The following COL6A3 variants were observed in gnomAD, a reference collection of about 807,000 sequenced individuals.
COL6A3 encodes collagen type VI alpha 3 chain.
A neutral mutation model predicts 274.1 loss-of-function variants in COL6A3; 137 were observed. The observed-to-expected ratio is 0.50, with a 90% CI of 0.44 to 0.58. The LOEUF is 0.58. Ranked by LOEUF, COL6A3 falls within the 20% of genes least tolerant of loss-of-function variation. COL6A3 has a pLI of 0.00. For missense variants in COL6A3, 3,950 were observed against 4,124.9 expected, an observed-to-expected ratio of 0.96 and a Z score of 1.16; for synonymous variants, 1,650 against 1,650.6, an observed-to-expected ratio of 1.00 and a Z score of 0.01.
intron 12 of COL6A3, among the ~76,000 whole-genome samples, chr2:237,365,046 A>G (rs117342180): frequency 6.6e-6 from 1 of 150,540 alleles, no homozygotes; most frequent in Non-Finnish European, 1.5e-5. Context: ...AGGGTCTTTA[A>G]AGAGGTAATT....
At chr2:237,331,999 G>T (rs1464224176) in intron 42 of COL6A3, among the ~76,000 whole-genome samples, 1 of 135,268 alleles carries the variant, frequency 7.4e-6, no homozygotes, top group Non-Finnish European at 1.6e-5. Flanking sequence ...AGTGTTAAAG[G>T]TCTGGATCAA....
At chr2:237,341,543 TAAAAAAA>T (rs71039760) in intron 37 of COL6A3, among the ~76,000 whole-genome samples, 2 of 49,098 alleles carry the variant, frequency 4.1e-5, no homozygotes, top group Non-Finnish European at 7.0e-5. Context: ...AGACTCTGTC[TAAAAAAA>T]AAAAAAAAAA....
chr2:237,326,844 T>C (rs1699971626), intron 42 of COL6A3: 1 of 152,228 alleles, frequency 6.6e-6, no homozygotes, highest in Admixed American at 6.5e-5. Context: ...TGGATAATCA[T>C]AGCTTGGATC....
rs112582777 is a variant in COL6A3, at chr2:237,345,024, T to A, written c.7162+34A>T. The A allele has an allele frequency of 6.9e-5, 112 of 1,614,166 alleles. No individual in the cohort carries two copies. In the Middle Eastern group the frequency reaches 1.5e-3, roughly 21 times the overall value. On this transcript the variant is annotated intron_variant, in intron 34 of 43. Coordinates refer to ENST00000295550, the MANE Select transcript of COL6A3 (RefSeq NM_004369.4). ...TGTGAGAATTTCGAATGTAAAAATA[T>A]GCATTGTGAGACAACAGAAAATCAT...
At chr2:237,351,532 C>T (rs1439660217) in intron 26 of COL6A3, among the ~76,000 whole-genome samples, 1 of 152,202 alleles carries the variant, frequency 6.6e-6, no homozygotes, top group African/African-American at 2.4e-5. Flanking sequence ...CCTCCCTTTT[C>T]ACACCCTCAC....
At position 237,352,516 on chromosome 2, in the gene COL6A3, G is replaced by T. The variant is rs1465692865; in HGVS notation, c.6753+6C>A. The stretch of plus-strand genomic sequence containing the variant: ...AGAGAGGGGGCTGGTATTAGGACAG[G>T]CTTACCCGAGGTCCAGAAATGCCTT... On this transcript the variant is annotated splice_donor_region_variant and intron_variant, in intron 26 of 43. Transcript: ENST00000295550. 2 of 1,610,356 alleles carry T rather than the reference G, an allele frequency of 1.2e-6. No homozygotes were observed. The highest frequency in any genetic ancestry group is 1.1e-5 in the South Asian group (1 of 89,854).
intron 1 of COL6A3, among the ~76,000 whole-genome samples, chr2:237,403,897 C>T (rs1054033109): frequency 2.0e-5 from 3 of 151,876 alleles, no homozygotes; most frequent in African/African-American, 7.3e-5. Context: ...GGGAACCTTC[C>T]AGACTTTTCC....
At chr2:237,365,615 T>C in intron 12 of COL6A3, 83 bp downstream of exon 12, 1 of 1,221,670 alleles carries the variant, frequency 8.2e-7, no homozygotes, top group Non-Finnish European at 1.2e-6. Flanking sequence ...GAAGAGGATT[T>C]AACTTGGGGG....
chr2:237,384,362 G>T (rs1006317190), intron 4 of COL6A3, among the ~76,000 whole-genome samples: 1 of 152,066 alleles, frequency 6.6e-6, no homozygotes, highest in Non-Finnish European at 1.5e-5. Flanking sequence ...GTTGGGAGAT[G>T]AACTTGAAGG....
Position 237,364,804 on chromosome 2 carries a change from T to A in COL6A3, c.5839-376A>T, listed in dbSNP as rs985348161. On this transcript the variant is annotated intron_variant, in intron 12 of 43. Coordinates refer to ENST00000295550, the MANE Select transcript of COL6A3 (RefSeq NM_004369.4). This position sits in a 1 kb window ranked among gnomAD's most constrained non-coding sequence, Gnocchi z 4.6. Reference sequence around the variant, plus strand: ...TGTGTATGGGTGCATTGTGTGTGCATGTGTGTGCACGTGTGTGTGCATGTG... The same window carrying A: ...TGTGTATGGGTGCATTGTGTGTGCAAGTGTGTGCACGTGTGTGTGCATGTG... Among the ~76,000 whole-genome samples the A allele has an allele frequency of 3.0e-5, 3 of 100,396 alleles. No individual in the cohort carries two copies. Among genetic ancestry groups the A allele is most frequent in the African/African-American group, 9.2e-5 (3 of 32,458 alleles). The allele number at this position is 100,396 out of a possible 152,430, so 65.9% of individuals were successfully genotyped here.
chr2:237,341,568 A>C (rs1008896255), intron 37 of COL6A3, among the ~76,000 whole-genome samples: 2 of 151,476 alleles, frequency 1.3e-5, no homozygotes, highest in African/African-American at 2.4e-5. Flanking sequence ...AAAAAAAAAA[A>C]AAACATCACA....
At position 237,387,769 on chromosome 2, in the gene COL6A3, G is replaced by C; in HGVS notation, c.1125C>G (p.Phe375Leu). The C allele has an allele frequency of 1.2e-6, 2 of 1,614,012 alleles. No homozygotes were observed. The highest frequency in any genetic ancestry group is 1.1e-5 in the South Asian group (1 of 91,028). The stretch of plus-strand genomic sequence containing the variant: ...CGGCCTGGGCTCCAAGGCCGAATGA[G>C]AACACGCTAGCCTGCTTCAGTGCTA... ...GVVALKQASV[F>L]SFGLGAQAAS... Residue 375 changes from phenylalanine to leucine, a missense_variant, in exon 4 of 44, where the codon TTC becomes TTG. Transcript: ENST00000295550.
rs1423293541 is a variant in COL6A3 at position 237,344,731 on chromosome 2, C to T, written c.7287G>A (p.Val2429=). ...TGCTCTCAGCAATGGTCAGGTCATTCACAATACTCAAGACCACATCTCGCA... is the reference window on the plus strand; with the variant it reads ...TGCTCTCAGCAATGGTCAGGTCATTTACAATACTCAAGACCACATCTCGCA... ...GRMRDVVLSI[V]NDLTIAESNC... The change falls in exon 36 of 44, where the codon GTG becomes GTA. Residue 2429 remains valine (V), a synonymous_variant. Transcript: ENST00000295550. This position sits in a 1 kb window ranked among gnomAD's most constrained non-coding sequence, Gnocchi z 4.8. 6.2e-7 allele frequency: 1 copy of T among 1,603,214 alleles called. No homozygotes were observed. Among genetic ancestry groups the T allele is most frequent in the Non-Finnish European group, 8.5e-7 (1 of 1,174,708 alleles).
At chr2:237,378,580 C>T in intron 6 of COL6A3, 56 bp downstream of exon 6, 2 of 1,611,728 alleles carry the variant, frequency 1.2e-6, no homozygotes, top group Admixed American at 3.3e-5. Flanking sequence ...GCAAACTACC[C>T]TCCAGGGTGG....
At chr2:237,398,352 GCTCA>G (rs1176144680) in intron 1 of COL6A3, among the ~76,000 whole-genome samples, 1 of 152,172 alleles carries the variant, frequency 6.6e-6, no homozygotes, top group Non-Finnish European at 1.5e-5. Flanking sequence ...ATTCACTTCA[GCTCA>G]GTAGCGTGCG....
Position 237,374,426 on chromosome 2 carries a change from G to A in COL6A3, c.3665C>T (p.Pro1222Leu). Residue 1222 changes from proline (P) to leucine (L), a missense_variant, in exon 8 of 44, where the codon CCT becomes CTT. By Grantham distance (98) the Pro-to-Leu change is moderately conservative. Around this residue, in one of 5 missense-constraint regions of COL6A3, gnomAD observed 1,934 missense variants for 1,984.3 expected, o/e 0.97. Transcript: ENST00000295550. The surrounding 1 kb of genome is among the most constrained non-coding windows in gnomAD (Gnocchi z 4.8). ...TCCCTGCGTACCTGGGCTCGGTAGA[G>A]GCTGCAACACCGGCTGCAGCCTGCT... ...ELSRLQPVLQ[P>L]LPSPGVGGKR... 1.2e-6 allele frequency: 2 copies of A among 1,613,244 alleles called. No individual in the cohort carries two copies. Among genetic ancestry groups the A allele is most frequent in the East Asian group, 4.5e-5 (2 of 44,882 alleles).
intron 39 of COL6A3, chr2:237,338,812 G>T: frequency 1.8e-6 from 1 of 559,354 alleles, no homozygotes; most frequent in Non-Finnish European, 3.2e-6. Context: ...GTTGTTTTAA[G>T]CCACTAAGTT....
At chr2:237,399,354 A>G (rs1480417526) in intron 1 of COL6A3, among the ~76,000 whole-genome samples, 2 of 152,134 alleles carry the variant, frequency 1.3e-5, no homozygotes. Flanking sequence ...AACACAGAAC[A>G]ATGATAGCCA....
rs1038298506 is a variant in COL6A3 at position 237,407,550 on chromosome 2, C to A, written c.-31+6403G>T. On this transcript the variant is annotated intron_variant, in intron 1 of 43. Transcript: ENST00000295550. The surrounding 1 kb of genome is among the most constrained non-coding windows in gnomAD (Gnocchi z 4.3). ...GAGAGCACCTGTAAGAATATGCCGA[C>A]CTGCAGCCAGGCTTAGGCCAAGCTC... Among the ~76,000 whole-genome samples, 1 of 152,238 alleles carries A rather than the reference C, an allele frequency of 6.6e-6. No individual in the cohort carries two copies.
Sources: gnomAD v4.1 joint callset for allele counts (sites outside exome capture counted in the v4.1 genomes callset) on GRCh38, gnomAD v4.1.1 for gene constraint, gnomAD v4.1.1 regional missense constraint, Gnocchi (gnomAD v3.1) non-coding constraint, MANE v1.5 for transcripts, NCBI Gene and HGNC (gene_info 2026-07-23, HGNC 2026-07-21) for gene names.